Variants in IL4 observed in about 807,000 individuals in gnomAD.
IL4 encodes the protein interleukin-4.
A neutral mutation model predicts 17.4 loss-of-function variants in IL4; 10 were observed. That is an observed-to-expected ratio of 0.57 (90% CI 0.35 to 0.97). IL4 has a LOEUF of 0.97. IL4 is among the 50% of genes least tolerant of loss of function. The pLI is 0.01. For synonymous variants in IL4, 87 were observed against 79.0 expected (o/e 1.10, Z -0.54); for missense variants, 174 against 187.7 (o/e 0.93, Z 0.43).
chr5:132,674,292 G>C (rs892868486), intron 1 of IL4, 107 bp downstream of exon 1: 3 of 1,428,694 alleles, frequency 2.1e-6, no homozygotes, highest in Non-Finnish European at 2.9e-6. Context: ...CTGGTGGTTG[G>C]TGGCAGTCCA....
Position 132,679,837 on chromosome 5 carries a change from C to G in IL4, c.307C>G (p.Leu103Val). 1 of 1,613,988 alleles carries G rather than the reference C, an allele frequency of 6.2e-7. No homozygotes were observed. The highest frequency in any genetic ancestry group is 8.5e-7 in the Non-Finnish European group (1 of 1,179,952). ...TAQQFHRHKQ[L>V]IRFLKRLDRN... is the part of the protein sequence containing the mutation. ...ACAGCAGTTCCACAGGCACAAGCAGCTGATCCGATTCCTGAAACGGCTCGA... is the reference window on the plus strand; with the variant it reads ...ACAGCAGTTCCACAGGCACAAGCAGGTGATCCGATTCCTGAAACGGCTCGA... The change falls in exon 3 of 4, where the codon CTG becomes GTG. Residue 103 changes from leucine to valine, a missense_variant. By Grantham distance (32) the Leu-to-Val change is conservative. Coordinates refer to ENST00000231449, the MANE Select transcript of IL4 (RefSeq NM_000589.4).
At position 132,680,005 on chromosome 5, in the gene IL4, C is replaced by T; in HGVS notation, c.360+115C>T. The stretch of plus-strand genomic sequence containing the variant: ...CCCTTGGTCAACCCATTCATTCATT[C>T]ACTCATTCAATAAGTATTTGCTGAA... On this transcript the variant is annotated intron_variant, in intron 3 of 3. Coordinates refer to ENST00000231449, the MANE Select transcript of IL4 (RefSeq NM_000589.4). This position sits in a 1 kb window ranked among gnomAD's most constrained non-coding sequence, Gnocchi z 4.3. 4.7e-6 allele frequency: 4 copies of T among 847,874 alleles called. No homozygotes were observed. The South Asian group carries it at 7.3e-5, about 16-fold the overall frequency. 52.5% of individuals were successfully genotyped at this position (847,874 alleles called of 1,614,324 possible).
intron 2 of IL4, among the ~76,000 whole-genome samples, chr5:132,675,346 C>T (rs2149879102): frequency 6.6e-6 from 1 of 152,294 alleles, no homozygotes; most frequent in East Asian, 1.9e-4. Flanking sequence ...TAACTACCTG[C>T]TTTCCATGCA....
intron 3 of IL4, among the ~76,000 whole-genome samples, chr5:132,681,175 A>G (rs1044482716): frequency 6.6e-6 from 1 of 152,182 alleles, no homozygotes; most frequent in Non-Finnish European, 1.5e-5. Context: ...AAAGGGAGAG[A>G]TCAAAGGACT....
chr5:132,679,422 C>T (rs1752442440), intron 2 of IL4, among the ~76,000 whole-genome samples: 1 of 152,168 alleles, frequency 6.6e-6, no homozygotes, highest in Non-Finnish European at 1.5e-5. Flanking sequence ...TGTGCCTTTT[C>T]CTCATGGGAT....
Position 132,677,186 on chromosome 5 carries a change from C to T in IL4, c.184-2528C>T, listed in dbSNP as rs535830344. On this transcript the variant is annotated intron_variant, in intron 2 of 3. Transcript: ENST00000231449. ...GGGAGATAATGAATGCAGTGCCAAT[C>T]GGGCTGGATTTATATGGTCCTCAGT... 1.4e-4 allele frequency among the ~76,000 whole-genome samples: 21 copies of T among 152,330 alleles called. No individual in the cohort carries two copies. The South Asian group carries it at 3.9e-3, about 29-fold the overall frequency.
intron 3 of IL4, among the ~76,000 whole-genome samples, 196 bp from the exon 4 acceptor site, chr5:132,682,290 G>C (rs1752502614): frequency 6.6e-6 from 1 of 151,902 alleles, no homozygotes; most frequent in Non-Finnish European, 1.5e-5. Context: ...ACCATTTCTA[G>C]AAGTGTAAGT....
At chr5:132,674,308 C>A in intron 1 of IL4, 123 bp downstream of exon 1, 2 of 1,350,378 alleles carry the variant, frequency 1.5e-6, no homozygotes, top group Non-Finnish European at 2.1e-6. Context: ...GTCCAGGGCA[C>A]ACAGCGAGGC....
Position 132,674,187 on chromosome 5 carries a change from T to C in IL4, c.135+2T>C. The C allele has an allele frequency of 6.2e-7, 1 of 1,613,810 alleles. No homozygotes were observed. Among genetic ancestry groups the C allele is most frequent in the Non-Finnish European group, 8.5e-7 (1 of 1,179,730 alleles). ...TTGAACAGCCTCACAGAGCAGAAGG[T>C]GAGTACCTATCTGGCACCATCTCTC... On this transcript the variant is annotated splice_donor_variant, in intron 1 of 3. Coordinates refer to ENST00000231449, the MANE Select transcript of IL4 (RefSeq NM_000589.4). LOFTEE classifies it high-confidence loss of function.
At chr5:132,681,848 A>G (rs1316239451) in intron 3 of IL4, among the ~76,000 whole-genome samples, 3 of 152,204 alleles carry the variant, frequency 2.0e-5, no homozygotes, top group East Asian at 3.8e-4. Flanking sequence ...GGCACAACAC[A>G]TGTTCTCTCT....
At position 132,675,011 on chromosome 5, in the gene IL4, G is replaced by A. The variant is rs956182100; in HGVS notation, c.183+505G>A. Among the ~76,000 whole-genome samples the A allele has an allele frequency of 3.9e-5, 6 of 152,280 alleles. No individual in the cohort carries two copies. In the East Asian group the frequency reaches 5.8e-4, roughly 15 times the overall value. On this transcript the variant is annotated intron_variant, in intron 2 of 3. Coordinates refer to ENST00000231449, the MANE Select transcript of IL4 (RefSeq NM_000589.4). The stretch of plus-strand genomic sequence containing the variant: ...GCCACCTAACAGCCCTCTGGGTTCC[G>A]GGGCTGGCCGTCCAGAGCTCCTCAG...
chr5:132,682,350 C>T (rs1445481408), intron 3 of IL4, 136 bp from the exon 4 acceptor site: 2 of 571,864 alleles, frequency 3.5e-6, no homozygotes, highest in Non-Finnish European at 6.2e-6. Context: ...ATAGAGACAA[C>T]TCCCAGTCAG....
intron 2 of IL4, among the ~76,000 whole-genome samples, chr5:132,675,050 G>C (rs1165052718): frequency 6.6e-6 from 1 of 152,116 alleles, no homozygotes; most frequent in Non-Finnish European, 1.5e-5. Context: ...GCTCTGGCCG[G>C]CCGAACTCCC....
In IL4 at chr5:132,679,721, C is replaced by T. The variant is rs1047696325; in HGVS notation, c.191C>T (p.Thr64Ile). Residue 64 changes from threonine to isoleucine, a missense_variant, in exon 3 of 4, where the codon ACT becomes ATT. Thr to Ile is a moderately conservative substitution (Grantham distance 89). Transcript: ENST00000231449. ...TGGCATTTGTCTTTCCAGAACACAA[C>T]TGAGAAGGAAACCTTCTGCAGGGCT... The part of the protein sequence containing the change: ...TDIFAASKNT[T>I]EKETFCRAAT... 1 of 1,612,640 alleles carries T rather than the reference C, an allele frequency of 6.2e-7. No homozygotes were observed.
intron 2 of IL4, among the ~76,000 whole-genome samples, chr5:132,676,330 C>A (rs1311674219): frequency 1.3e-5 from 2 of 152,096 alleles, no homozygotes; most frequent in African/African-American, 2.4e-5. Flanking sequence ...GATGATATAA[C>A]CACGATTAAA....
intron 2 of IL4, 48 bp downstream of exon 2, chr5:132,674,554 C>A (rs200691587): frequency 1.5e-5 from 23 of 1,484,918 alleles, no homozygotes; most frequent in Admixed American, 5.1e-5. Context: ...GAGATCCATC[C>A]CCAAATGTCT....
intron 2 of IL4, among the ~76,000 whole-genome samples, chr5:132,678,926 G>A (rs1433584765): frequency 2.0e-5 from 3 of 152,190 alleles, no homozygotes; most frequent in East Asian, 1.9e-4. Flanking sequence ...CCCCCAGGAA[G>A]AGCCATGTGG....
chr5:132,680,093 G>A lies in IL4; in HGVS notation c.360+203G>A, dbSNP rs1381646586. On this transcript the variant is annotated intron_variant, in intron 3 of 3. Coordinates refer to ENST00000231449, the MANE Select transcript of IL4 (RefSeq NM_000589.4). This position sits in a 1 kb window ranked among gnomAD's most constrained non-coding sequence, Gnocchi z 4.3. ...ACGTGTCACTAAAGACACGCAGGCCGAGTCCCTGTTCTCATGGAATGTTCT... is the reference window on the plus strand; with the variant it reads ...ACGTGTCACTAAAGACACGCAGGCCAAGTCCCTGTTCTCATGGAATGTTCT... Among the ~76,000 whole-genome samples, 3 of 151,346 alleles carry A rather than the reference G, an allele frequency of 2.0e-5. No homozygotes were observed. Among genetic ancestry groups the A allele is most frequent in the African/African-American group, 4.9e-5 (2 of 40,620 alleles).
intron 2 of IL4, 55 bp from the exon 3 acceptor site, chr5:132,679,659 T>C: frequency 6.8e-7 from 1 of 1,471,032 alleles, no homozygotes. Flanking sequence ...AAAATCTCTC[T>C]CCCATCCTCC....
Sources: allele counts gnomAD v4.1 joint callset (sites outside exome capture counted in the v4.1 genomes callset), GRCh38; gene constraint gnomAD v4.1.1; non-coding constraint Gnocchi (gnomAD v3.1); transcripts MANE v1.5; gene names NCBI Gene and HGNC (gene_info 2026-07-23, HGNC 2026-07-21).